MAP3K1: variants seen among roughly 807,000 people sequenced by gnomAD.
MAP3K1 encodes the protein mitogen-activated protein kinase kinase kinase 1, also known as MAP/ERK kinase kinase 1.
MAP3K1 carries 36 observed loss-of-function variants against 144.2 expected under a neutral mutation model. The observed-to-expected ratio is 0.25, with a 90% confidence interval of 0.19 to 0.33. The LOEUF is 0.33. Among genes scored for constraint, MAP3K1 ranks in the 10% least tolerant of loss-of-function variants. The pLI is 1.00. For synonymous variants in MAP3K1, 718 were observed against 688.7 expected (o/e 1.04, Z -0.67); for missense variants, 1,650 against 1,881.9 (o/e 0.88, Z 2.28).
chr5:56,820,106 A>G (rs1342416913), intron 1 of MAP3K1, among the ~76,000 whole-genome samples: 2 of 152,194 alleles, frequency 1.3e-5, no homozygotes, highest in Non-Finnish European at 2.9e-5. Flanking sequence ...CCTTTTACAT[A>G]ATCAACTCTT....
chr5:56,845,509 A>C (rs1295176378), intron 1 of MAP3K1, among the ~76,000 whole-genome samples: 2 of 150,406 alleles, frequency 1.3e-5, no homozygotes, highest in Admixed American at 6.6e-5. Context: ...AGGAAGTTCC[A>C]ACCTACTTCT....
chr5:56,855,934 C>T (rs1421963323), intron 1 of MAP3K1, among the ~76,000 whole-genome samples: 1 of 152,072 alleles, frequency 6.6e-6, no homozygotes, highest in African/African-American at 2.4e-5. Context: ...TGATGCTTTG[C>T]CTGTTAGGCT....
intron 3 of MAP3K1, among the ~76,000 whole-genome samples, chr5:56,861,046 A>G (rs1747492960): frequency 6.6e-6 from 1 of 152,212 alleles, no homozygotes; most frequent in Non-Finnish European, 1.5e-5. Context: ...GTATAATGAA[A>G]TATGTGAACA....
chr5:56,837,894 G>A (rs1489258390), intron 1 of MAP3K1, among the ~76,000 whole-genome samples: 2 of 152,182 alleles, frequency 1.3e-5, no homozygotes, highest in Non-Finnish European at 2.9e-5. Context: ...GTGGCCAGTG[G>A]GGGAGGCTGA....
chr5:56,822,279 C>T (rs1326021649), intron 1 of MAP3K1, among the ~76,000 whole-genome samples: 1 of 152,206 alleles, frequency 6.6e-6, no homozygotes, highest in African/African-American at 2.4e-5. Context: ...CCCACCTTGG[C>T]CTCCCAAAGT....
At position 56,882,941 on chromosome 5, in the gene MAP3K1, C is replaced by T. The variant is rs1297085071; in HGVS notation, c.3666+75C>T. The T allele has an allele frequency of 1.6e-4, 190 of 1,203,492 alleles. No individual in the cohort carries two copies. In the East Asian group the frequency reaches 4.0e-3, roughly 25 times the overall value. 74.6% of individuals were successfully genotyped at this position (1,203,492 alleles called of 1,614,324 possible). On this transcript the variant is annotated intron_variant, in intron 14 of 19. Coordinates refer to ENST00000399503, the MANE Select transcript of MAP3K1 (RefSeq NM_005921.2). ...CAGTGACTCATACCTGGAATTCCAGCACTTGGGGAGGCTGAGGCCGAAGGA... is the reference window on the plus strand; with the variant it reads ...CAGTGACTCATACCTGGAATTCCAGTACTTGGGGAGGCTGAGGCCGAAGGA...
At chr5:56,862,619 C>A (rs986036709) in intron 3 of MAP3K1, among the ~76,000 whole-genome samples, 1 of 152,100 alleles carries the variant, frequency 6.6e-6, no homozygotes, top group Non-Finnish European at 1.5e-5. Context: ...CATTTATAAT[C>A]TTTTTAACCT....
In MAP3K1 at chr5:56,864,072, A is replaced by G. The variant is rs114515773; in HGVS notation, c.835-662A>G. On this transcript the variant is annotated intron_variant, in intron 3 of 19. Coordinates refer to ENST00000399503, the MANE Select transcript of MAP3K1 (RefSeq NM_005921.2). ...GGAAGTTGGATTTTTAGTTTTTACT[A>G]CTAGACACAGCATTCTGCCTGCTTA... 2.6e-3 allele frequency among the ~76,000 whole-genome samples: 390 copies of G among 152,330 alleles called. 2 individuals are homozygous for G. The highest frequency in any genetic ancestry group is 9.1e-3 in the African/African-American group (379 of 41,582).
chr5:56,854,753 A>T (rs997067284), intron 1 of MAP3K1, among the ~76,000 whole-genome samples: 2 of 152,108 alleles, frequency 1.3e-5, no homozygotes, highest in African/African-American at 4.8e-5. Context: ...GAGAAGAGAT[A>T]CTCCTGAAAC....
intron 1 of MAP3K1, among the ~76,000 whole-genome samples, chr5:56,845,743 G>A (rs1206217926): frequency 2.6e-5 from 4 of 152,168 alleles, no homozygotes; most frequent in Non-Finnish European, 5.9e-5. Flanking sequence ...GTTTCTAAAG[G>A]TTTTTCCTCA....
chr5:56,895,956 T>C lies in MAP3K1; in HGVS notation c.*2276T>C. The C allele has an allele frequency of 4.6e-6, 1 of 215,594 alleles. No individual in the cohort carries two copies. Among genetic ancestry groups the C allele is most frequent in the Non-Finnish European group, 8.9e-6 (1 of 112,120 alleles). The allele number at this position is 215,594 out of a possible 1,614,324, so 13.4% of individuals were successfully genotyped here. On this transcript the variant is annotated 3_prime_UTR_variant, in exon 20 of 20. Coordinates refer to ENST00000399503, the MANE Select transcript of MAP3K1 (RefSeq NM_005921.2). Reference sequence around the variant, plus strand: ...TAAGGGCTAACTTCTATTAGCACCTTACTGTGTAAGCAAATGTTACAAAAA... The same window carrying C: ...TAAGGGCTAACTTCTATTAGCACCTCACTGTGTAAGCAAATGTTACAAAAA...
At chr5:56,873,262 G>A (rs192371307) in intron 9 of MAP3K1, among the ~76,000 whole-genome samples, 41 of 152,204 alleles carry the variant, frequency 2.7e-4, no homozygotes, top group Middle Eastern at 3.4e-3. Flanking sequence ...ACGGACATAC[G>A]GGGTTATTCA....
Position 56,882,836 on chromosome 5 carries a change from T to C in MAP3K1, c.3636T>C (p.Asn1212=). 6.2e-7 allele frequency: 1 copy of C among 1,611,606 alleles called. No homozygotes were observed. The highest frequency in any genetic ancestry group is 1.7e-5 in the Admixed American group (1 of 59,928). Reference sequence around the variant, plus strand: ...TAGTTCCTCAGCTGCAGGTTGAAAATGGAGAAGATATCATCATTATTCAAC... The same window carrying C: ...TAGTTCCTCAGCTGCAGGTTGAAAACGGAGAAGATATCATCATTATTCAAC... ...LPIVPQLQVE[N]GEDIIIIQQD... The change falls in exon 14 of 20, where the codon AAT becomes AAC. Residue 1212 remains asparagine (N), a synonymous_variant. Transcript: ENST00000399503.
At chr5:56,825,888 T>C (rs1186779192) in intron 1 of MAP3K1, among the ~76,000 whole-genome samples, 1 of 151,932 alleles carries the variant, frequency 6.6e-6, no homozygotes, top group Non-Finnish European at 1.5e-5. Flanking sequence ...TTCTGCTCAC[T>C]TTCAGCAGCC....
At chr5:56,859,065 TAA>T (rs34494768) in intron 2 of MAP3K1, among the ~76,000 whole-genome samples, 2,968 of 125,494 alleles carry the variant, frequency 0.024, 95 homozygotes, top group African/African-American at 0.081. Flanking sequence ...AAGCCTTAAT[TAA>T]AAAAAAAAAA....
chr5:56,816,808 C>T (rs1332541745), intron 1 of MAP3K1, among the ~76,000 whole-genome samples: 5 of 152,220 alleles, frequency 3.3e-5, no homozygotes, highest in Non-Finnish European at 5.9e-5. Context: ...TTTGAGTGTT[C>T]CTGGGAATGC....
chr5:56,876,144 T>G (rs1029662501), intron 10 of MAP3K1, among the ~76,000 whole-genome samples: 7 of 140,896 alleles, frequency 5.0e-5, no homozygotes, highest in African/African-American at 1.6e-4. Context: ...CTCAGTACTA[T>G]TAACATTTGT....
chr5:56,836,119 T>C (rs371940031), intron 1 of MAP3K1, among the ~76,000 whole-genome samples: 2 of 152,198 alleles, frequency 1.3e-5, no homozygotes, highest in East Asian at 3.9e-4. Flanking sequence ...TCATGATTTC[T>C]GCTTGGTTTG....
intron 6 of MAP3K1, among the ~76,000 whole-genome samples, chr5:56,867,963 A>G (rs1747727475): frequency 6.6e-6 from 1 of 152,204 alleles, no homozygotes; most frequent in South Asian, 2.1e-4. Flanking sequence ...AAATGTCGAT[A>G]AGTAAAACCA....
Sources: allele counts gnomAD v4.1 joint callset (sites outside exome capture counted in the v4.1 genomes callset), GRCh38; gene constraint gnomAD v4.1.1; transcripts MANE v1.5; gene names NCBI Gene and HGNC (gene_info 2026-07-23, HGNC 2026-07-21).